MAP2: variants seen among roughly 807,000 people sequenced by gnomAD.
The protein encoded by MAP2 is microtubule-associated protein 2.
MAP2 carries 14 observed loss-of-function variants against 137.6 expected under a neutral mutation model. The ratio of observed to expected loss-of-function variants is 0.10; its 90% CI spans 0.07 to 0.16. The LOEUF is 0.16. Ranked by LOEUF, MAP2 falls within the 10% of genes least tolerant of loss-of-function variation. The pLI is 1.00. For missense variants in MAP2, 2,088 were observed against 2,191.5 expected (o/e 0.95, Z 0.94); for synonymous variants, 786 against 782.3 (o/e 1.00, Z -0.08).
At position 209,732,695 on chromosome 2, in the gene MAP2, T is replaced by G. The variant is rs1191480929; in HGVS notation, c.*2298T>G. The G allele has an allele frequency of 6.6e-6, 1 of 152,632 alleles. No individual in the cohort carries two copies. The highest frequency in any genetic ancestry group is 1.9e-4 in the East Asian group (1 of 5,198). 9.5% of individuals were successfully genotyped at this position (152,632 alleles called of 1,614,324 possible). On this transcript the variant is annotated 3_prime_UTR_variant, in exon 16 of 16. Coordinates refer to ENST00000682079, the MANE Select transcript of MAP2 (RefSeq NM_001375505.1). ...TATTTTTCTCAACATTCTTTAAAGT[T>G]TTTATATAAGTTAACACTAGGTAAA...
chr2:209,719,950 G>C (rs1012084064), intron 13 of MAP2, among the ~76,000 whole-genome samples: 10 of 152,162 alleles, frequency 6.6e-5, no homozygotes, highest in African/African-American at 2.4e-4. Flanking sequence ...TGGAGGTATT[G>C]ATTGCACCAA....
intron 4 of MAP2, among the ~76,000 whole-genome samples, chr2:209,648,305 T>C (rs2094540166): frequency 6.6e-6 from 1 of 152,074 alleles, no homozygotes; most frequent in Non-Finnish European, 1.5e-5. Flanking sequence ...TTCACCATGT[T>C]GGTCAGGCTG....
At chr2:209,577,175 A>G (rs2075488499) in intron 2 of MAP2, among the ~76,000 whole-genome samples, 1 of 152,190 alleles carries the variant, frequency 6.6e-6, no homozygotes. Flanking sequence ...CTGAAGAAAA[A>G]TAGACATTTA....
intron 3 of MAP2, among the ~76,000 whole-genome samples, chr2:209,581,422 T>C (rs2076385243): frequency 6.6e-6 from 1 of 152,136 alleles, no homozygotes. Flanking sequence ...CTAATACTAG[T>C]CTTGAGACAC....
At chr2:209,429,417 G>C (rs13034750) in intron 1 of MAP2, among the ~76,000 whole-genome samples, 85,669 of 151,640 alleles carry the variant, frequency 0.56, 26,003 homozygotes, top group African/African-American at 0.79. Context: ...AAGTTACTAT[G>C]TGTCAGGCAG....
chr2:209,503,694 G>C (rs577031325), intron 1 of MAP2, among the ~76,000 whole-genome samples: 20 of 152,142 alleles, frequency 1.3e-4, no homozygotes, highest in Admixed American at 1.2e-3. Context: ...GTAAGACAAG[G>C]ATGGGATTTT....
At chr2:209,487,616 C>T (rs993050182) in intron 1 of MAP2, among the ~76,000 whole-genome samples, 5 of 152,122 alleles carry the variant, frequency 3.3e-5, no homozygotes, top group African/African-American at 1.2e-4. Flanking sequence ...ATTAATAATG[C>T]ATTCAGTTAA....
At chr2:209,715,373 G>A (rs2067145260) in intron 13 of MAP2, among the ~76,000 whole-genome samples, 1 of 151,898 alleles carries the variant, frequency 6.6e-6, no homozygotes, top group Non-Finnish European at 1.5e-5. Flanking sequence ...CTTGACCATT[G>A]AGTCAACAAA....
At chr2:209,581,231 G>A (rs903962676) in intron 3 of MAP2, among the ~76,000 whole-genome samples, 1 of 152,108 alleles carries the variant, frequency 6.6e-6, no homozygotes, top group Non-Finnish European at 1.5e-5. Context: ...CTTCTTAAGA[G>A]CCTTGCTGCT....
chr2:209,542,602 C>G (rs919024350), intron 2 of MAP2, among the ~76,000 whole-genome samples: 2 of 152,212 alleles, frequency 1.3e-5, no homozygotes, highest in Non-Finnish European at 2.9e-5. Context: ...CTGTCTTCAT[C>G]AAAGATTTTA....
chr2:209,563,868 C>T (rs1458866070), intron 2 of MAP2, among the ~76,000 whole-genome samples: 3 of 152,152 alleles, frequency 2.0e-5, no homozygotes, highest in African/African-American at 4.8e-5. Context: ...TACCAGTTCA[C>T]AAACATCAAG....
rs2058698527 is a variant in MAP2 at position 209,690,982 on chromosome 2, C to G, written c.455-1643C>G. The stretch of plus-strand genomic sequence containing the variant: ...ATGATAACAAGTCCACTGTTGTAGG[C>G]TTAATGTGCAGAGAGTGTGGCTTGC... On this transcript the variant is annotated intron_variant, in intron 7 of 15. Coordinates refer to ENST00000682079, the MANE Select transcript of MAP2 (RefSeq NM_001375505.1). 3 of 868,286 alleles carry G rather than the reference C, an allele frequency of 3.5e-6. No homozygotes were observed. In the Admixed American group the frequency reaches 1.2e-4, roughly 34 times the overall value. 53.8% of individuals were successfully genotyped at this position (868,286 alleles called of 1,614,324 possible).
At chr2:209,608,276 ATTTCTC>A (rs1228627744) in intron 3 of MAP2, among the ~76,000 whole-genome samples, 2 of 150,954 alleles carry the variant, frequency 1.3e-5, no homozygotes, top group Non-Finnish European at 2.9e-5. Context: ...GTGGCTACCC[ATTTCTC>A]CTTGGAATCT....
chr2:209,499,358 T>C (rs2060116644), intron 1 of MAP2, among the ~76,000 whole-genome samples: 1 of 152,194 alleles, frequency 6.6e-6, no homozygotes. Flanking sequence ...TGGATTTTGC[T>C]GTCCATATCA....
At chr2:209,696,797 A>G in intron 9 of MAP2, 49 bp downstream of exon 9, 2 of 1,570,888 alleles carry the variant, frequency 1.3e-6, no homozygotes, top group Non-Finnish European at 1.7e-6. Flanking sequence ...GTAATTCATT[A>G]TTACTTTTTT....
chr2:209,692,032 C>G (rs763581319), intron 7 of MAP2, among the ~76,000 whole-genome samples: 63 of 152,188 alleles, frequency 4.1e-4, no homozygotes, highest in Non-Finnish European at 7.6e-4. Context: ...TGCCAGTAAC[C>G]TGTGGATGCC....
chr2:209,626,499 G>C (rs184816216), intron 4 of MAP2, among the ~76,000 whole-genome samples: 190 of 152,208 alleles, frequency 1.2e-3, no homozygotes, highest in Non-Finnish European at 1.9e-3. Context: ...TTAAAATCTT[G>C]TCTAAAAAAA....
At chr2:209,692,555 T>C (rs2059216418) in intron 7 of MAP2, 70 bp from the exon 8 acceptor site, 4 of 1,480,086 alleles carry the variant, frequency 2.7e-6, no homozygotes, top group African/African-American at 2.8e-5. Context: ...CACTTCAAAA[T>C]ATAATTTTAA....
chr2:209,655,749 T>G (rs1379109860), intron 5 of MAP2, among the ~76,000 whole-genome samples: 3 of 152,212 alleles, frequency 2.0e-5, no homozygotes, highest in African/African-American at 7.2e-5. Flanking sequence ...AGCTCACTCT[T>G]TTATACAATC....
Sources: gnomAD v4.1 joint callset for allele counts (sites outside exome capture counted in the v4.1 genomes callset) on GRCh38, gnomAD v4.1.1 for gene constraint, MANE v1.5 for transcripts, NCBI Gene and HGNC (gene_info 2026-07-23, HGNC 2026-07-21) for gene names.